WFDC9: variants seen among roughly 807,000 people sequenced by gnomAD.
WFDC9 encodes the protein WAP four-disulfide core domain 9.
A neutral mutation model predicts 9.5 loss-of-function variants in WFDC9; 9 were observed. The ratio of observed to expected loss-of-function variants is 0.95; its 90% confidence interval spans 0.57 to 1.65. The LOEUF is 1.65. Ranked by LOEUF, WFDC9 falls within the 40% of genes most tolerant of loss-of-function variation. WFDC9 has a pLI of 0.00. For synonymous variants in WFDC9, 33 were observed against 32.3 expected, an observed-to-expected ratio of 1.02 and a Z score of -0.07; for missense variants, 87 against 106.7, an observed-to-expected ratio of 0.82 and a Z score of 0.81.
At chr20:45,624,418 T>A (rs947214832) in intron 1 of WFDC9, among the ~76,000 whole-genome samples, 2 of 152,166 alleles carry the variant, frequency 1.3e-5, no homozygotes, top group African/African-American at 4.8e-5. Context: ...TGTGGCTGAA[T>A]AGGATTGTGT....
chr20:45,630,951 G>A (rs1341136729), intron 1 of WFDC9: 19 of 1,612,064 alleles, frequency 1.2e-5, no homozygotes, highest in Middle Eastern at 1.6e-4. Context: ...GAATCTCACC[G>A]AGATTGTCAA....
At chr20:45,617,490 T>C (rs1050331668) in intron 1 of WFDC9, among the ~76,000 whole-genome samples, 3 of 152,146 alleles carry the variant, frequency 2.0e-5, no homozygotes, top group African/African-American at 7.2e-5. Context: ...TGTATAACTT[T>C]TGACTTCTCA....
At chr20:45,630,953 G>A (rs150807654) in intron 1 of WFDC9, 1 of 1,612,346 alleles carries the variant, frequency 6.2e-7, no homozygotes, top group African/African-American at 1.3e-5. Flanking sequence ...ATCTCACCGA[G>A]ATTGTCAAGC....
chr20:45,619,532 A>C (rs1053261264), intron 1 of WFDC9, among the ~76,000 whole-genome samples: 6 of 152,236 alleles, frequency 3.9e-5, no homozygotes, highest in African/African-American at 9.6e-5. Flanking sequence ...GAAAAGCTTT[A>C]AAGCTAAAAA....
intron 1 of WFDC9, among the ~76,000 whole-genome samples, chr20:45,617,491 T>A: frequency 6.6e-6 from 1 of 152,150 alleles, no homozygotes; most frequent in Non-Finnish European, 1.5e-5. Flanking sequence ...GTATAACTTT[T>A]GACTTCTCAA....
chr20:45,630,464 T>A (rs1487324), intron 1 of WFDC9, among the ~76,000 whole-genome samples: 88,828 of 151,880 alleles, frequency 0.58, 26,999 homozygotes, highest in East Asian at 0.98. Context: ...ACAAGAGGCA[T>A]GTTGATCCTC....
rs76758338 is a variant in WFDC9 at position 45,625,807 on chromosome 20, C to CTTTTTTTTTT, written c.-153+5386_-153+5395dup. On this transcript the variant is annotated intron_variant, in intron 1 of 4. Transcript: ENST00000326000. ...TGGATTTATTTCTAGGTTCTCTATT[C>CTTTTTTTTTT]TTTTTTTTTTTTTTTTTTTTTTTTT... 3.1e-3 allele frequency among the ~76,000 whole-genome samples: 143 copies of CTTTTTTTTTT among 46,410 alleles called. 35 individuals carry two copies. Among genetic ancestry groups the CTTTTTTTTTT allele is most frequent in the East Asian group, 0.02 (21 of 1,026 alleles). The allele number at this position is 46,410 out of a possible 152,430, so 30.4% of individuals were successfully genotyped here.
At chr20:45,624,297 A>T (rs1982168655) in intron 1 of WFDC9, among the ~76,000 whole-genome samples, 1 of 152,168 alleles carries the variant, frequency 6.6e-6, no homozygotes, top group Non-Finnish European at 1.5e-5. Context: ...TTTTCTCCAG[A>T]TATGAGTGAG....
At position 45,607,943 on chromosome 20, in the gene WFDC9, G is replaced by T. The variant is rs57034992; in HGVS notation, c.*167C>A. 3.5e-3 allele frequency: 2,742 copies of T among 779,434 alleles called. 56 individuals carry two copies. The African/African-American group carries it at 0.044, about 13-fold the overall frequency. The allele number at this position is 779,434 out of a possible 1,614,324, so 48.3% of individuals were successfully genotyped here. ...AAAAAAAAATATGCAGAGCCCTCAG[G>T]TTGATGTAGCAGTTTATTTGACAAA... On this transcript the variant is annotated 3_prime_UTR_variant, in exon 5 of 5. Coordinates refer to ENST00000326000, the MANE Select transcript of WFDC9 (RefSeq NM_147198.4).
At chr20:45,623,973 A>T (rs1367042714) in intron 1 of WFDC9, among the ~76,000 whole-genome samples, 1 of 152,094 alleles carries the variant, frequency 6.6e-6, no homozygotes, top group Admixed American at 6.6e-5. Flanking sequence ...CAGGTGGATC[A>T]CAAGGTCAGG....
chr20:45,627,887 A>G (rs1982256509), intron 1 of WFDC9, among the ~76,000 whole-genome samples: 1 of 152,092 alleles, frequency 6.6e-6, no homozygotes. Flanking sequence ...TTATAGCCTA[A>G]TGTATAGTCA....
At chr20:45,612,222 CTTTTTACTTTTT>C (rs1383875949) in intron 2 of WFDC9, among the ~76,000 whole-genome samples, 6 of 151,752 alleles carry the variant, frequency 4.0e-5, no homozygotes, top group Admixed American at 3.9e-4. Flanking sequence ...CAATTTTTTT[CTTTTTACTTTTT>C]TTTTTACACT....
chr20:45,624,356 T>C (rs1032968888), intron 1 of WFDC9, among the ~76,000 whole-genome samples: 2 of 152,360 alleles, frequency 1.3e-5, no homozygotes, highest in East Asian at 1.9e-4. Context: ...CAGAACATAA[T>C]GTCCTCCAGT....
chr20:45,626,006 G>A (rs760731010), intron 1 of WFDC9, among the ~76,000 whole-genome samples: 1 of 151,616 alleles, frequency 6.6e-6, no homozygotes, highest in Non-Finnish European at 1.5e-5. Flanking sequence ...ACTTTTAGTA[G>A]AGATGGGGTT....
chr20:45,620,092 A>G (rs187252681), intron 1 of WFDC9, among the ~76,000 whole-genome samples: 5 of 152,302 alleles, frequency 3.3e-5, no homozygotes, highest in Admixed American at 3.3e-4. Flanking sequence ...AAGTATAGTT[A>G]TGATCATCCA....
chr20:45,630,990 G>T, intron 1 of WFDC9: 3 of 1,605,292 alleles, frequency 1.9e-6, no homozygotes, highest in Non-Finnish European at 2.6e-6. Flanking sequence ...TCTACCTACT[G>T]TGGGAATGTT....
rs1255668299 is a variant in WFDC9, at chr20:45,610,182, G to A, written c.-1C>T. On this transcript the variant is annotated 5_prime_UTR_variant, in exon 3 of 5. Coordinates refer to ENST00000326000, the MANE Select transcript of WFDC9 (RefSeq NM_147198.4). ...CGAGTAGAAGAATCCAGGGCTTCATGGTGCTCTCTGTGTGTATTTGGGTTA... is the reference window on the plus strand; with the variant it reads ...CGAGTAGAAGAATCCAGGGCTTCATAGTGCTCTCTGTGTGTATTTGGGTTA... 2 of 1,613,732 alleles carry A rather than the reference G, an allele frequency of 1.2e-6. No homozygotes were observed. Among genetic ancestry groups the A allele is most frequent in the Admixed American group, 1.7e-5 (1 of 59,970 alleles).
intron 1 of WFDC9, among the ~76,000 whole-genome samples, chr20:45,628,587 G>A (rs2091000630): frequency 6.6e-6 from 1 of 152,214 alleles, no homozygotes; most frequent in South Asian, 2.1e-4. Context: ...AACTAGGAAA[G>A]AGAGAGCCTT....
intron 1 of WFDC9, among the ~76,000 whole-genome samples, chr20:45,625,722 A>C (rs1025753558): frequency 6.0e-5 from 9 of 150,314 alleles, no homozygotes; most frequent in African/African-American, 2.2e-4. Context: ...TGAAGAGACT[A>C]TCCTTTCCCC....
Sources: gnomAD v4.1 joint callset for allele counts (sites outside exome capture counted in the v4.1 genomes callset) on GRCh38, gnomAD v4.1.1 for gene constraint, MANE v1.5 for transcripts, NCBI Gene and HGNC (gene_info 2026-07-23, HGNC 2026-07-21) for gene names.